Variants in IQGAP2 observed in about 807,000 individuals in gnomAD.
IQGAP2 encodes ras GTPase-activating-like protein IQGAP2.
Under a neutral mutation model 201.3 loss-of-function variants are expected in IQGAP2, and 173 were observed. That is an observed-to-expected ratio of 0.86 (90% CI 0.76 to 0.98). The LOEUF is 0.98. IQGAP2 is among the 50% of genes least tolerant of loss of function. IQGAP2 has a pLI of 0.00. For missense variants in IQGAP2, 1,687 were observed against 1,864.8 expected (o/e 0.90, Z 1.76); for synonymous variants, 675 against 673.9 (o/e 1.00, Z -0.03).
intron 35 of IQGAP2, among the ~76,000 whole-genome samples, chr5:76,705,410 A>G (rs1241044436): frequency 6.6e-6 from 1 of 152,222 alleles, no homozygotes; most frequent in African/African-American, 2.4e-5. Flanking sequence ...AAGATAGCAA[A>G]TGGCAGAGCT....
chr5:76,492,517 C>T (rs1031948094), intron 2 of IQGAP2, among the ~76,000 whole-genome samples: 1 of 152,144 alleles, frequency 6.6e-6, no homozygotes, highest in South Asian at 2.1e-4. Flanking sequence ...AAGGTTGGAG[C>T]AGAGATTTCC....
chr5:76,575,003 A>G (rs1309450492), intron 4 of IQGAP2, among the ~76,000 whole-genome samples: 3 of 152,234 alleles, frequency 2.0e-5, no homozygotes, highest in Non-Finnish European at 4.4e-5. Context: ...AAAGTGTTTT[A>G]AACAGGTTAC....
chr5:76,645,889 A>G (rs907558961), intron 17 of IQGAP2, among the ~76,000 whole-genome samples: 1 of 151,980 alleles, frequency 6.6e-6, no homozygotes, highest in Non-Finnish European at 1.5e-5. Context: ...ATGATTCAAT[A>G]TTAAATAATC....
chr5:76,661,669 T>C (rs1220752639), intron 21 of IQGAP2, among the ~76,000 whole-genome samples: 1 of 152,198 alleles, frequency 6.6e-6, no homozygotes, highest in East Asian at 1.9e-4. Flanking sequence ...ACATATATTT[T>C]TAATCTTCAC....
intron 5 of IQGAP2, among the ~76,000 whole-genome samples, chr5:76,576,047 G>T (rs549162265): frequency 5.9e-5 from 9 of 152,138 alleles, no homozygotes; most frequent in Non-Finnish European, 1.2e-4. Flanking sequence ...AATTTAGGTT[G>T]AAACTTCTAG....
At chr5:76,434,827 G>A (rs868115774) in intron 1 of IQGAP2, among the ~76,000 whole-genome samples, 3 of 152,064 alleles carry the variant, frequency 2.0e-5, no homozygotes, top group Non-Finnish European at 2.9e-5. Context: ...CACCAGCAGC[G>A]TATAAGCATT....
At chr5:76,569,446 G>A (rs56370891) in intron 3 of IQGAP2, among the ~76,000 whole-genome samples, 1 of 151,854 alleles carries the variant, frequency 6.6e-6, no homozygotes, top group Non-Finnish European at 1.5e-5. Flanking sequence ...AAAAAAAATA[G>A]GAATGATAAT....
At chr5:76,486,937 A>G (rs1163642740) in intron 2 of IQGAP2, among the ~76,000 whole-genome samples, 3 of 152,056 alleles carry the variant, frequency 2.0e-5, no homozygotes, top group Non-Finnish European at 4.4e-5. Context: ...TATCTAGAAT[A>G]TATGATGTTT....
intron 2 of IQGAP2, among the ~76,000 whole-genome samples, chr5:76,496,405 A>C (rs1404955464): frequency 6.6e-6 from 1 of 152,206 alleles, no homozygotes; most frequent in Non-Finnish European, 1.5e-5. Context: ...AGGAGCTTGC[A>C]CTTGAAAGCC....
chr5:76,702,125 G>C (rs1489734604), intron 34 of IQGAP2, among the ~76,000 whole-genome samples: 1 of 152,192 alleles, frequency 6.6e-6, no homozygotes, highest in East Asian at 1.9e-4. Flanking sequence ...TTCTATAAAA[G>C]TTATCATCTG....
intron 2 of IQGAP2, among the ~76,000 whole-genome samples, chr5:76,504,313 A>G (rs1406290714): frequency 6.6e-6 from 1 of 152,132 alleles, no homozygotes; most frequent in African/African-American, 2.4e-5. Context: ...AGTGGCTTCA[A>G]AGTCAGGCAG....
intron 15 of IQGAP2, among the ~76,000 whole-genome samples, chr5:76,634,288 G>A (rs1750950199): frequency 1.3e-5 from 2 of 150,830 alleles, no homozygotes; most frequent in African/African-American, 4.9e-5. Flanking sequence ...TCGAGATGAA[G>A]TCTCACTCTG....
chr5:76,471,889 T>G (rs1580265782), intron 2 of IQGAP2, among the ~76,000 whole-genome samples: 1 of 152,342 alleles, frequency 6.6e-6, no homozygotes, highest in African/African-American at 2.4e-5. Flanking sequence ...AAAATAGTAA[T>G]GAAATTTTTA....
At chr5:76,543,151 C>T (rs1324810557) in intron 2 of IQGAP2, among the ~76,000 whole-genome samples, 3 of 152,058 alleles carry the variant, frequency 2.0e-5, no homozygotes, top group Non-Finnish European at 2.9e-5. Context: ...TTGTGAAACC[C>T]AAGCCGGCCC....
intron 2 of IQGAP2, among the ~76,000 whole-genome samples, chr5:76,462,127 C>T (rs544804691): frequency 1.4e-4 from 22 of 152,306 alleles, no homozygotes; most frequent in African/African-American, 4.6e-4. Flanking sequence ...CCCAGGAAAT[C>T]ACGGGGCCAA....
chr5:76,695,757 G>A (rs1046899563), intron 32 of IQGAP2, 91 bp downstream of exon 32: 7 of 983,954 alleles, frequency 7.1e-6, no homozygotes, highest in African/African-American at 1.6e-5. Context: ...GTGGCATTAG[G>A]GATTCATGGT....
At chr5:76,407,528 G>A (rs770287295) in intron 1 of IQGAP2, among the ~76,000 whole-genome samples, 1 of 152,204 alleles carries the variant, frequency 6.6e-6, no homozygotes, top group Admixed American at 6.5e-5. Flanking sequence ...AAAGGTATAC[G>A]CAGCCTTATC....
At chr5:76,477,790 C>A (rs983585450) in intron 2 of IQGAP2, among the ~76,000 whole-genome samples, 18 of 151,684 alleles carry the variant, frequency 1.2e-4, no homozygotes, top group African/African-American at 4.1e-4. Context: ...AGGTGGAAGA[C>A]AGTGATATTG....
intron 32 of IQGAP2, among the ~76,000 whole-genome samples, chr5:76,697,363 G>A (rs1397507889): frequency 6.6e-6 from 1 of 152,182 alleles, no homozygotes; most frequent in Admixed American, 6.5e-5. Context: ...GTCTGAAGAG[G>A]CTGGGCACAA....
Sources: gnomAD v4.1 joint callset for allele counts (sites outside exome capture counted in the v4.1 genomes callset) on GRCh38, gnomAD v4.1.1 for gene constraint, MANE v1.5 for transcripts, NCBI Gene and HGNC (gene_info 2026-07-23, HGNC 2026-07-21) for gene names.